PLGRKT: variants seen among roughly 807,000 people sequenced by gnomAD.
PLGRKT encodes the protein plasminogen receptor (KT).
In PLGRKT, 22 loss-of-function variants were observed where a neutral mutation model predicts 18.5. The ratio of observed to expected loss-of-function variants is 1.19; its 90% CI spans 0.85 to 1.70. PLGRKT has a LOEUF of 1.70. Ranked by LOEUF, PLGRKT falls within the 40% of genes most tolerant of loss-of-function variation. The pLI, the probability that PLGRKT is intolerant of heterozygous loss-of-function variation, is 0.00. For missense variants in PLGRKT, 235 were observed against 174.4 expected, an observed-to-expected ratio of 1.35 and a Z score of -1.96; for synonymous variants, 72 against 52.8, an observed-to-expected ratio of 1.36 and a Z score of -1.58.
chr9:5,431,850 C>T, intron 3 of PLGRKT, 47 bp downstream of exon 3: 1 of 912,170 alleles, frequency 1.1e-6, no homozygotes, highest in Non-Finnish European at 1.8e-6. Context: ...GTGGTAGAAA[C>T]TTTAAGCATT....
chr9:5,432,107 AAC>A, intron 2 of PLGRKT, 124 bp from the exon 3 acceptor site: 1 of 590,488 alleles, frequency 1.7e-6, no homozygotes, highest in East Asian at 2.8e-5. Flanking sequence ...CTGATCTAGG[AAC>A]ACAGTGTGGA....
At chr9:5,388,872 C>T (rs1350031094) in intron 3 of PLGRKT, among the ~76,000 whole-genome samples, 1 of 152,048 alleles carries the variant, frequency 6.6e-6, no homozygotes, top group Non-Finnish European at 1.5e-5. Context: ...GAACCTACAA[C>T]AGCATCTGGC....
At chr9:5,431,242 T>G (rs931608156) in intron 3 of PLGRKT, among the ~76,000 whole-genome samples, 2 of 152,118 alleles carry the variant, frequency 1.3e-5, no homozygotes, top group Non-Finnish European at 2.9e-5. Flanking sequence ...TTCTTTCTCT[T>G]ATAAAGACCC....
At chr9:5,364,690 A>C (rs911696381) in intron 3 of PLGRKT, among the ~76,000 whole-genome samples, 4 of 152,202 alleles carry the variant, frequency 2.6e-5, no homozygotes, top group Non-Finnish European at 5.9e-5. Flanking sequence ...ATACATAAAC[A>C]CTGTACTCTA....
chr9:5,395,835 A>G (rs1818034193), intron 3 of PLGRKT, among the ~76,000 whole-genome samples: 1 of 149,116 alleles, frequency 6.7e-6, no homozygotes, highest in Admixed American at 6.7e-5. Flanking sequence ...GATTTTTTTT[A>G]TTTGATTGGA....
chr9:5,394,554 A>C (rs958245837), intron 3 of PLGRKT, among the ~76,000 whole-genome samples: 1 of 151,684 alleles, frequency 6.6e-6, no homozygotes, highest in Admixed American at 6.6e-5. Context: ...CTGGGATTAC[A>C]GGCGCCCACC....
intron 3 of PLGRKT, among the ~76,000 whole-genome samples, chr9:5,425,693 C>T (rs1347662450): frequency 1.3e-5 from 2 of 152,090 alleles, no homozygotes; most frequent in Admixed American, 6.6e-5. Context: ...GGGACCCAAA[C>T]ATTCAAAAGG....
intron 3 of PLGRKT, among the ~76,000 whole-genome samples, chr9:5,414,663 T>C (rs1346450608): frequency 6.6e-6 from 1 of 152,230 alleles, no homozygotes; most frequent in Non-Finnish European, 1.5e-5. Context: ...AACAATATTT[T>C]GACTGGATAC....
chr9:5,405,670 G>C (rs1054044998), intron 3 of PLGRKT, among the ~76,000 whole-genome samples: 6 of 152,144 alleles, frequency 3.9e-5, no homozygotes, highest in Non-Finnish European at 8.8e-5. Context: ...AGAAAATCTA[G>C]GCAATACTAT....
At chr9:5,385,007 G>T (rs1405928371) in intron 3 of PLGRKT, among the ~76,000 whole-genome samples, 1 of 152,140 alleles carries the variant, frequency 6.6e-6, no homozygotes, top group Non-Finnish European at 1.5e-5. Flanking sequence ...AAGTAGAAAT[G>T]AAGTCACCAA....
intron 3 of PLGRKT, among the ~76,000 whole-genome samples, chr9:5,394,286 T>C (rs777195850): frequency 2.6e-5 from 4 of 151,870 alleles, no homozygotes; most frequent in African/African-American, 4.9e-5. Flanking sequence ...ACATATTTAC[T>C]AGTTTCTAAC....
intron 3 of PLGRKT, among the ~76,000 whole-genome samples, chr9:5,371,719 G>C (rs894491786): frequency 1.3e-5 from 2 of 152,060 alleles, no homozygotes; most frequent in Admixed American, 6.5e-5. Context: ...TAAGTTATTA[G>C]CACTGTCAAC....
At chr9:5,378,615 T>A (rs1817677816) in intron 3 of PLGRKT, among the ~76,000 whole-genome samples, 1 of 152,242 alleles carries the variant, frequency 6.6e-6, no homozygotes, top group African/African-American at 2.4e-5. Context: ...ATATGTTCAG[T>A]CTGTGTAAAT....
At chr9:5,365,302 T>C (rs1030862045) in intron 3 of PLGRKT, among the ~76,000 whole-genome samples, 1 of 152,216 alleles carries the variant, frequency 6.6e-6, no homozygotes. Context: ...GAGCTCCTAA[T>C]GTCCAAAGCT....
At chr9:5,423,204 C>G (rs1449312857) in intron 3 of PLGRKT, among the ~76,000 whole-genome samples, 1 of 152,132 alleles carries the variant, frequency 6.6e-6, no homozygotes, top group African/African-American at 2.4e-5. Flanking sequence ...CACCACTACC[C>G]TGTTCAAGAG....
intron 3 of PLGRKT, among the ~76,000 whole-genome samples, chr9:5,425,769 A>T (rs1239468349): frequency 6.6e-6 from 1 of 152,212 alleles, no homozygotes; most frequent in African/African-American, 2.4e-5. Context: ...GATGGGGTTG[A>T]ATCATGAGTG....
chr9:5,377,335 C>G (rs1817649356), intron 3 of PLGRKT, among the ~76,000 whole-genome samples: 1 of 151,508 alleles, frequency 6.6e-6, no homozygotes, highest in South Asian at 2.1e-4. Flanking sequence ...ATCTTTTCTT[C>G]TTTCCATATA....
At chr9:5,406,890 A>T (rs1056154942) in intron 3 of PLGRKT, among the ~76,000 whole-genome samples, 23 of 152,210 alleles carry the variant, frequency 1.5e-4, no homozygotes, top group Admixed American at 2.6e-4. Flanking sequence ...TGAAATTTTT[A>T]AAAATATTAA....
chr9:5,384,459 C>T (rs1817804693), intron 3 of PLGRKT, among the ~76,000 whole-genome samples: 1 of 152,056 alleles, frequency 6.6e-6, no homozygotes, highest in Admixed American at 6.5e-5. Flanking sequence ...TCATGCTAGA[C>T]ATGGAGAGGA....
Sources: allele counts gnomAD v4.1 joint callset (sites outside exome capture counted in the v4.1 genomes callset), GRCh38; gene constraint gnomAD v4.1.1; transcripts MANE v1.5; gene names NCBI Gene and HGNC (gene_info 2026-07-23, HGNC 2026-07-21).